The following FKTN variants were observed in gnomAD, a reference collection of about 807,000 sequenced individuals.
FKTN encodes the protein ribitol-5-phosphate transferase FKTN.
A neutral mutation model predicts 58.6 loss-of-function variants in FKTN; 47 were observed. The observed-to-expected ratio is 0.80, with a 90% CI of 0.63 to 1.02. The LOEUF is 1.02. Among genes scored for constraint, FKTN ranks in the 50% least tolerant of loss-of-function variants. The pLI is 0.00. For missense variants in FKTN, 516 were observed against 537.3 expected (o/e 0.96, Z 0.39); for synonymous variants, 178 against 191.9 (o/e 0.93, Z 0.60).
chr9:105,629,339 G>C (rs535832795), intron 10 of FKTN, among the ~76,000 whole-genome samples: 7 of 152,332 alleles, frequency 4.6e-5, no homozygotes, highest in Admixed American at 2.6e-4. Flanking sequence ...AATGAATTTG[G>C]TCAGGGCAGA....
At chr9:105,588,335 T>A (rs979384751) in intron 3 of FKTN, among the ~76,000 whole-genome samples, 4 of 152,240 alleles carry the variant, frequency 2.6e-5, no homozygotes, top group Non-Finnish European at 5.9e-5. Context: ...TTACTCCAAA[T>A]ATCCCATAGG....
chr9:105,633,399 T>C (rs1297176400), intron 10 of FKTN: 5 of 152,232 alleles, frequency 3.3e-5, no homozygotes, highest in Non-Finnish European at 7.3e-5. Context: ...AGGAGTTTCC[T>C]GGCCTGTATT....
rs1029242842 is a variant in FKTN, at chr9:105,636,442, C to T, written c.*1178C>T. The T allele has an allele frequency of 1.0e-6, 1 of 990,100 alleles. No homozygotes were observed. The highest frequency in any genetic ancestry group is 1.7e-5 in the African/African-American group (1 of 57,346). The allele number at this position is 990,100 out of a possible 1,614,324, so 61.3% of individuals were successfully genotyped here. A position where few individuals can be genotyped will look rare whatever the true frequency, so the allele number is the denominator to read the frequency against. ...TAGAGTTTGTAAAGTTTGTGTCCCT[C>T]CCCAGTTTTTCAGTCTGTTGAATGT... On this transcript the variant is annotated 3_prime_UTR_variant, in exon 11 of 11. Transcript: ENST00000357998.
At chr9:105,617,094 T>G (rs754466834) in intron 8 of FKTN, among the ~76,000 whole-genome samples, 2 of 152,200 alleles carry the variant, frequency 1.3e-5, no homozygotes, top group Non-Finnish European at 2.9e-5. Flanking sequence ...AAAACTTTTA[T>G]TTTTAATTGT....
rs1833923288 is a variant in FKTN, at chr9:105,635,074, T to C, written c.1196T>C (p.Leu399Pro). 8 of 1,614,196 alleles carry C rather than the reference T, an allele frequency of 5.0e-6. No individual in the cohort carries two copies. Among genetic ancestry groups the C allele is most frequent in the Non-Finnish European group, 6.8e-6 (8 of 1,180,010 alleles). ...KFKYLFPKFT[L>P]CWTEFVDMKV... Reference sequence around the variant, plus strand: ...AGATACCTGTTTCCGAAGTTTACACTGTGCTGGACTGAGTTTGTAGACATG... The same window carrying C: ...AGATACCTGTTTCCGAAGTTTACACCGTGCTGGACTGAGTTTGTAGACATG... Residue 399 changes from leucine to proline, a missense_variant, in exon 11 of 11, where the codon CTG becomes CCG. Coordinates refer to ENST00000357998, the MANE Select transcript of FKTN (RefSeq NM_001079802.2).
chr9:105,617,947 T>C lies in FKTN; in HGVS notation c.911-12T>C. 6.5e-7 allele frequency: 1 copy of C among 1,538,656 alleles called. No individual in the cohort carries two copies. The highest frequency in any genetic ancestry group is 8.9e-7 in the Non-Finnish European group (1 of 1,122,296). On this transcript the variant is annotated splice_polypyrimidine_tract_variant and intron_variant, in intron 8 of 10. Coordinates refer to ENST00000357998, the MANE Select transcript of FKTN (RefSeq NM_001079802.2). ...CCTAAATTTTGTTAAAAAAATTTAA[T>C]CTTCTTTTTAGGATGGTATCGACAA...
chr9:105,584,751 T>G (rs1843611997), intron 3 of FKTN, among the ~76,000 whole-genome samples: 1 of 152,140 alleles, frequency 6.6e-6, no homozygotes, highest in South Asian at 2.1e-4. Flanking sequence ...GCTTGGGAGA[T>G]TCAAGGCTGC....
chr9:105,602,620 ATC>A (rs758620757), intron 5 of FKTN, among the ~76,000 whole-genome samples: 3 of 152,208 alleles, frequency 2.0e-5, no homozygotes, highest in Admixed American at 2.0e-4. Context: ...CAGTGGTGCA[ATC>A]TCTGTTCACT....
intron 3 of FKTN, among the ~76,000 whole-genome samples, chr9:105,582,370 A>T (rs901907151): frequency 5.6e-4 from 85 of 152,174 alleles, no homozygotes; most frequent in East Asian, 1.2e-3. Flanking sequence ...ATTAAAAAAA[A>T]TTTTTTGTAG....
At chr9:105,621,083 A>G (rs1371068857) in intron 10 of FKTN, among the ~76,000 whole-genome samples, 1 of 152,126 alleles carries the variant, frequency 6.6e-6, no homozygotes. Context: ...CAACTACTAC[A>G]TTTCTGGAGA....
chr9:105,587,630 C>T (rs1844134420), intron 3 of FKTN, among the ~76,000 whole-genome samples: 1 of 152,182 alleles, frequency 6.6e-6, no homozygotes, highest in Admixed American at 6.5e-5. Flanking sequence ...TACTGCCCCA[C>T]TTCTTCTATC....
At chr9:105,574,093 T>C (rs566534232) in intron 2 of FKTN, 2 of 152,248 alleles carry the variant, frequency 1.3e-5, no homozygotes, top group South Asian at 4.1e-4. Context: ...AGTTATAGAA[T>C]ACAATAGAAC....
intron 10 of FKTN, among the ~76,000 whole-genome samples, chr9:105,631,826 T>C (rs1253419006): frequency 6.7e-6 from 1 of 149,466 alleles, no homozygotes; most frequent in Non-Finnish European, 1.5e-5. Context: ...GGTGGGACTG[T>C]AAACTAGTTC....
At chr9:105,598,144 G>A in intron 4 of FKTN, 1 of 468,510 alleles carries the variant, frequency 2.1e-6, no homozygotes. Flanking sequence ...TACTTCCACG[G>A]TACGCAAGCA....
Position 105,581,426 on chromosome 9 carries a change from T to G in FKTN, c.105+6289T>G, listed in dbSNP as rs377746070. On this transcript the variant is annotated intron_variant, in intron 3 of 10. Transcript: ENST00000357998. ...TGCAGGTCTGTTGGAGTACCCTGCCTTGTGAGGTGTCAGTGTGCCCCTGCT... is the reference window on the plus strand; with the variant it reads ...TGCAGGTCTGTTGGAGTACCCTGCCGTGTGAGGTGTCAGTGTGCCCCTGCT... 4.9e-3 allele frequency among the ~76,000 whole-genome samples: 736 copies of G among 149,068 alleles called. 10 individuals are homozygous for G. The highest frequency in any genetic ancestry group is 6.7e-3 in the Non-Finnish European group (452 of 67,386).
intron 1 of FKTN, among the ~76,000 whole-genome samples, 158 bp downstream of exon 1, chr9:105,558,323 G>A (rs1396713054): frequency 6.6e-6 from 1 of 152,154 alleles, no homozygotes; most frequent in African/African-American, 2.4e-5. Flanking sequence ...AGCGCGCTCC[G>A]GGCTGGGTAC....
At chr9:105,597,203 A>C (rs896244173) in intron 4 of FKTN, among the ~76,000 whole-genome samples, 1 of 152,186 alleles carries the variant, frequency 6.6e-6, no homozygotes, top group Non-Finnish European at 1.5e-5. Context: ...CTGGGTTACT[A>C]ATAAAACACA....
chr9:105,639,759 A>T lies in FKTN; in HGVS notation c.*4495A>T, dbSNP rs1452585505. 5.8e-5 allele frequency: 62 copies of T among 1,063,042 alleles called. No homozygotes were observed. The highest frequency in any genetic ancestry group is 6.8e-5 in the Non-Finnish European group (60 of 878,024). The allele number at this position is 1,063,042 out of a possible 1,614,324, so 65.9% of individuals were successfully genotyped here. A position where few individuals can be genotyped will look rare whatever the true frequency, so the allele number is the denominator to read the frequency against. On this transcript the variant is annotated 3_prime_UTR_variant, in exon 11 of 11. Transcript: ENST00000357998. Reference sequence around the variant, plus strand: ...CAGTTTGCCTCCTTCTCTCAATAGAACTTGTATTTTCATTTTCTTGGTTAA... The same window carrying T: ...CAGTTTGCCTCCTTCTCTCAATAGATCTTGTATTTTCATTTTCTTGGTTAA...
intron 3 of FKTN, among the ~76,000 whole-genome samples, chr9:105,582,123 T>A (rs1264727271): frequency 6.6e-6 from 1 of 152,148 alleles, no homozygotes; most frequent in Non-Finnish European, 1.5e-5. Flanking sequence ...AAATCACCCG[T>A]CTTCTGCGTC....
Sources: allele counts gnomAD v4.1 joint callset (sites outside exome capture counted in the v4.1 genomes callset), GRCh38; gene constraint gnomAD v4.1.1; transcripts MANE v1.5; gene names NCBI Gene and HGNC (gene_info 2026-07-23, HGNC 2026-07-21).